Variants in SLC47A2 observed in about 807,000 individuals in gnomAD.
SLC47A2 encodes multidrug and toxin extrusion protein 2.
A neutral mutation model predicts 67.7 loss-of-function variants in SLC47A2; 52 were observed. The ratio of observed to expected loss-of-function variants is 0.77; its 90% confidence interval spans 0.61 to 0.97. The LOEUF is 0.97. SLC47A2 is among the 50% of genes least tolerant of loss of function. SLC47A2 has a pLI of 0.00. For missense variants in SLC47A2, 676 were observed against 712.3 expected (o/e 0.95, Z 0.58); for synonymous variants, 278 against 292.9 (o/e 0.95, Z 0.52).
At chr17:19,718,828 A>G (rs2086311545), upstream of SLC47A2, 2 of 152,252 alleles carry the variant, frequency 1.3e-5, no homozygotes, top group African/African-American at 4.8e-5. Flanking sequence ...TGAGTCCTCC[A>G]TAGTCTCCTG....
chr17:19,708,243 G>C, intron 7 of SLC47A2, 59 bp downstream of exon 7: 1 of 1,555,748 alleles, frequency 6.4e-7, no homozygotes, highest in East Asian at 2.2e-5. Context: ...TCTCCACCAG[G>C]GGTGGAGAGC....
intron 13 of SLC47A2, among the ~76,000 whole-genome samples, chr17:19,686,892 G>T (rs1477565581): frequency 6.6e-6 from 1 of 152,180 alleles, no homozygotes; most frequent in Non-Finnish European, 1.5e-5. Flanking sequence ...AGATCATCCA[G>T]ACAGAAGGTC....
At chr17:19,716,147 C>T in intron 1 of SLC47A2, 1 of 416,132 alleles carries the variant, frequency 2.4e-6, no homozygotes, top group East Asian at 4.3e-5. Context: ...GTCCTGGAGC[C>T]ATCTTCCAAC....
At chr17:19,705,624 G>C in intron 9 of SLC47A2, 121 bp from the exon 10 acceptor site, 3 of 883,474 alleles carry the variant, frequency 3.4e-6, no homozygotes, top group Non-Finnish European at 3.3e-6. Flanking sequence ...CCTTGAGACA[G>C]GGTCTCACTC....
chr17:19,688,941 C>G (rs976745524), intron 13 of SLC47A2, among the ~76,000 whole-genome samples: 1 of 151,652 alleles, frequency 6.6e-6, no homozygotes, highest in African/African-American at 2.4e-5. Flanking sequence ...TCACAGCTTA[C>G]TGCAGCCTTG....
chr17:19,707,042 C>T (rs918987583), intron 8 of SLC47A2, among the ~76,000 whole-genome samples: 3 of 152,070 alleles, frequency 2.0e-5, no homozygotes, highest in African/African-American at 4.8e-5. Context: ...CTCCACCACC[C>T]ACCACTCTGC....
intron 3 of SLC47A2, 64 bp downstream of exon 3, chr17:19,714,657 T>A: frequency 6.3e-7 from 1 of 1,594,212 alleles, no homozygotes; most frequent in Non-Finnish European, 8.6e-7. Flanking sequence ...GCCATCTCCA[T>A]GGCACCTGTG....
chr17:19,695,083 A>C (rs1411313210), intron 13 of SLC47A2, among the ~76,000 whole-genome samples: 1 of 152,294 alleles, frequency 6.6e-6, no homozygotes, highest in East Asian at 1.9e-4. Context: ...ATTGGACTAC[A>C]TTGAAAGTGA....
intron 13 of SLC47A2, among the ~76,000 whole-genome samples, chr17:19,694,915 CAAA>C (rs34430678): frequency 8.2e-5 from 10 of 122,084 alleles, no homozygotes; most frequent in Middle Eastern, 4.3e-3. Flanking sequence ...GACTCCATCT[CAAA>C]AAAAAAAAAA....
chr17:19,711,924 G>T (rs2086111936), intron 5 of SLC47A2, among the ~76,000 whole-genome samples: 1 of 152,132 alleles, frequency 6.6e-6, no homozygotes, highest in Admixed American at 6.5e-5. Context: ...CTAACTATGG[G>T]TACCAGATAA....
intron 8 of SLC47A2, 149 bp from the exon 9 acceptor site, chr17:19,706,910 G>A: frequency 3.3e-6 from 2 of 610,188 alleles, no homozygotes; most frequent in Non-Finnish European, 5.6e-6. Context: ...CAGAGGGAAT[G>A]CAGCTGGTCT....
intron 7 of SLC47A2, 145 bp downstream of exon 7, chr17:19,708,157 C>T: frequency 2.3e-6 from 2 of 888,426 alleles, no homozygotes; most frequent in Non-Finnish European, 3.4e-6. Flanking sequence ...CCCCAAGGGA[C>T]CATCAGGCCC....
intron 13 of SLC47A2, among the ~76,000 whole-genome samples, chr17:19,700,563 C>T (rs1164370413): frequency 6.6e-6 from 1 of 152,192 alleles, no homozygotes; most frequent in Admixed American, 6.5e-5. Flanking sequence ...GAGCTCAAGA[C>T]TAGCCTGGAC....
intron 13 of SLC47A2, among the ~76,000 whole-genome samples, chr17:19,682,753 C>T (rs1407479356): frequency 1.3e-5 from 2 of 152,234 alleles, no homozygotes; most frequent in African/African-American, 4.8e-5. Context: ...TTTTGCCTAC[C>T]ATGCATGGCA....
chr17:19,710,482 C>G (rs959702106), intron 5 of SLC47A2, among the ~76,000 whole-genome samples: 5 of 150,538 alleles, frequency 3.3e-5, no homozygotes, highest in African/African-American at 1.2e-4. Context: ...GACAGAGTTT[C>G]GCTCGTGTTG....
intron 13 of SLC47A2, among the ~76,000 whole-genome samples, chr17:19,682,676 C>A (rs1304177278): frequency 1.3e-5 from 2 of 152,218 alleles, no homozygotes; most frequent in Non-Finnish European, 2.9e-5. Context: ...TGCAAAGTCC[C>A]ATTTGCCTTG....
chr17:19,691,284 AAG>A (rs962706279), intron 13 of SLC47A2, among the ~76,000 whole-genome samples: 24 of 152,346 alleles, frequency 1.6e-4, no homozygotes, highest in African/African-American at 5.5e-4. Flanking sequence ...TAGTATAGCG[AAG>A]AGATACCTGC....
intron 8 of SLC47A2, 45 bp from the exon 9 acceptor site, chr17:19,706,806 C>T (rs1280771762): frequency 2.0e-6 from 3 of 1,467,536 alleles, no homozygotes; most frequent in South Asian, 2.4e-5. Flanking sequence ...CCTGCTTGCC[C>T]ACCTCATTCC....
intron 13 of SLC47A2, among the ~76,000 whole-genome samples, chr17:19,697,040 C>A (rs2085679221): frequency 6.6e-6 from 1 of 152,198 alleles, no homozygotes; most frequent in Admixed American, 6.5e-5. Context: ...GCCTGTAATC[C>A]CAGCACTCTG....
Sources: allele counts gnomAD v4.1 joint callset (sites outside exome capture counted in the v4.1 genomes callset), GRCh38; gene constraint gnomAD v4.1.1; transcripts MANE v1.5; gene names NCBI Gene and HGNC (gene_info 2026-07-23, HGNC 2026-07-21).